Variants in GSTA2 observed in about 807,000 individuals in gnomAD.
GSTA2 encodes glutathione S-transferase A2.
A neutral mutation model predicts 22.4 loss-of-function variants in GSTA2; 27 were observed. That is an observed-to-expected ratio of 1.21 (90% CI 0.89 to 1.67). The LOEUF is 1.67. GSTA2 is among the 40% of genes most tolerant of loss of function. GSTA2 has a pLI of 0.00. For synonymous variants in GSTA2, 121 were observed against 86.8 expected (o/e 1.39, Z -2.19); for missense variants, 302 against 260.2 (o/e 1.16, Z -1.11).
intron 4 of GSTA2, among the ~76,000 whole-genome samples, 188 bp from the exon 5 acceptor site, chr6:52,753,183 G>A (rs534645885): frequency 2.0e-5 from 3 of 151,256 alleles, no homozygotes; most frequent in Non-Finnish European, 2.9e-5. Flanking sequence ...AGTTTTACAG[G>A]TATATTAACA....
chr6:52,760,471 T>C (rs1762932620), intron 1 of GSTA2, among the ~76,000 whole-genome samples: 2 of 152,132 alleles, frequency 1.3e-5, no homozygotes, highest in Non-Finnish European at 2.9e-5. Flanking sequence ...TCATAGTCAA[T>C]ATCTAGGGAG....
intron 3 of GSTA2, among the ~76,000 whole-genome samples, chr6:52,755,590 A>C (rs1209780212): frequency 6.6e-6 from 1 of 152,088 alleles, no homozygotes; most frequent in East Asian, 1.9e-4. Flanking sequence ...CATTTATTTC[A>C]TATATGTTTT....
intron 2 of GSTA2, among the ~76,000 whole-genome samples, chr6:52,757,586 C>T (rs1261791695): frequency 6.6e-6 from 1 of 152,070 alleles, no homozygotes; most frequent in Non-Finnish European, 1.5e-5. Context: ...TGTATAAATG[C>T]CATAAATTAT....
chr6:52,751,729 G>A, intron 5 of GSTA2, 21 bp from the exon 6 acceptor site: 2 of 1,614,096 alleles, frequency 1.2e-6, no homozygotes, highest in Non-Finnish European at 1.7e-6. Flanking sequence ...GGAGGAATCA[G>A]ATCAGGAACA....
intron 3 of GSTA2, 26 bp downstream of exon 3, chr6:52,756,232 T>G (rs1218668878): frequency 6.4e-7 from 1 of 1,558,614 alleles, no homozygotes; most frequent in Non-Finnish European, 8.8e-7. Flanking sequence ...ATACCCTCAT[T>G]AGAGAAACTT....
rs756612162 is a variant in GSTA2, at chr6:52,750,662, T to C, written c.584A>G (p.Lys195Arg). ...TGGGCTGCCAGGCTGTAGAAACTTC[T>C]TCACTGTGGGCAGGTTACTGATTCT... ...KTRISNLPTV[K>R]KFLQPGSPRK... The change falls in exon 7 of 7, where the codon AAG (lysine) becomes AGG (arginine). Residue 195 changes from lysine to arginine, a missense_variant. Physicochemically the swap from Lys to Arg is conservative, Grantham distance 26. Coordinates refer to ENST00000493422, the MANE Select transcript of GSTA2 (RefSeq NM_000846.5). The C allele has an allele frequency of 2.4e-5, 38 of 1,613,242 alleles. No homozygotes were observed. The highest frequency in any genetic ancestry group is 1.2e-4 in the Admixed American group (7 of 59,992).
chr6:52,755,475 A>C (rs1390238980), intron 3 of GSTA2, among the ~76,000 whole-genome samples: 5 of 152,144 alleles, frequency 3.3e-5, no homozygotes, highest in Non-Finnish European at 5.9e-5. Context: ...CAGCCTCCCA[A>C]ATTGGGATTA....
At chr6:52,758,068 G>A in intron 1 of GSTA2, 91 bp from the exon 2 acceptor site, 3 of 744,692 alleles carry the variant, frequency 4.0e-6, no homozygotes, top group South Asian at 1.8e-5. Flanking sequence ...CACAAACAAT[G>A]CTGAAGAAGA....
At position 52,757,852 on chromosome 6, in the gene GSTA2, A is replaced by G; in HGVS notation, c.87+9T>C. The G allele has an allele frequency of 2.5e-6, 4 of 1,610,942 alleles. No homozygotes were observed. The highest frequency in any genetic ancestry group is 1.7e-6 in the Non-Finnish European group (2 of 1,177,140). On this transcript the variant is annotated intron_variant, in intron 2 of 6. Coordinates refer to ENST00000493422, the MANE Select transcript of GSTA2 (RefSeq NM_000846.5). Reference sequence around the variant, plus strand: ...AATCTGACTTAAGATGACCTAACTCAGAACCTACCTCTACTCCAGCTGCAG... The same window carrying G: ...AATCTGACTTAAGATGACCTAACTCGGAACCTACCTCTACTCCAGCTGCAG...
chr6:52,760,652 T>TAACCTGGCTCTC (rs1762936192), intron 1 of GSTA2, among the ~76,000 whole-genome samples: 1 of 152,208 alleles, frequency 6.6e-6, no homozygotes. Context: ...CTCCACCTCA[T>TAACCTGGCTCTC]AACCTGGCTC....
intron 5 of GSTA2, among the ~76,000 whole-genome samples, chr6:52,752,466 A>G (rs1215922551): frequency 3.9e-5 from 6 of 152,162 alleles, no homozygotes; most frequent in Admixed American, 1.3e-4. Context: ...CTTCCTGCAT[A>G]TGGTGCCAGA....
At chr6:52,753,121 T>G in intron 4 of GSTA2, 126 bp from the exon 5 acceptor site, 1 of 829,552 alleles carries the variant, frequency 1.2e-6, no homozygotes, top group Non-Finnish European at 1.9e-6. Flanking sequence ...GTGCCTTTTA[T>G]AGTCTAGTCA....
intron 1 of GSTA2, among the ~76,000 whole-genome samples, 162 bp downstream of exon 1, chr6:52,763,282 A>G (rs1422299796): frequency 6.6e-6 from 1 of 152,240 alleles, no homozygotes; most frequent in Non-Finnish European, 1.5e-5. Context: ...ACAGAAAAGA[A>G]ATAAACAGTT....
Position 52,753,004 on chromosome 6 carries a change from C to G in GSTA2, c.273-9G>C. ...CTATATACATATCAATCCTGAAAGACAAAAACAACCAAATGGTCAAATATC... is the reference window on the plus strand; with the variant it reads ...CTATATACATATCAATCCTGAAAGAGAAAAACAACCAAATGGTCAAATATC... On this transcript the variant is annotated splice_polypyrimidine_tract_variant and intron_variant, in intron 4 of 6. Transcript: ENST00000493422. 1 of 1,580,126 alleles carries G rather than the reference C, an allele frequency of 6.3e-7. No homozygotes were observed. Among genetic ancestry groups the G allele is most frequent in the Non-Finnish European group, 8.6e-7 (1 of 1,164,250 alleles).
intron 1 of GSTA2, among the ~76,000 whole-genome samples, chr6:52,761,348 A>T (rs769232511): frequency 6.6e-6 from 1 of 152,044 alleles, no homozygotes; most frequent in Non-Finnish European, 1.5e-5. Context: ...ATCTCTGTCT[A>T]CCCATCCATG....
chr6:52,751,599 A>G lies in GSTA2; in HGVS notation c.524T>C (p.Ile175Thr). Residue 175 changes from isoleucine to threonine, a missense_variant, in exon 6 of 7, where the codon ATT becomes ACT. Coordinates refer to ENST00000493422, the MANE Select transcript of GSTA2 (RefSeq NM_000846.5). Reference sequence around the variant, plus strand: ...CACCTTCAGCAGAGGGAAGCTGGAAATAAGGCTAGAGTCAAGCTCTTCCAC... The same window carrying G: ...CACCTTCAGCAGAGGGAAGCTGGAAGTAAGGCTAGAGTCAAGCTCTTCCAC... ...YYVEELDSSL[I>T]SSFPLLKALK... The G allele has an allele frequency of 3.7e-6, 6 of 1,614,126 alleles. No individual in the cohort carries two copies. Among genetic ancestry groups the G allele is most frequent in the Non-Finnish European group, 5.1e-6 (6 of 1,179,996 alleles).
At position 52,750,385 on chromosome 6, in the gene GSTA2, A is replaced by C. The variant is rs1762713439; in HGVS notation, c.*192T>G. The C allele has an allele frequency of 2.0e-6, 1 of 492,050 alleles. No individual in the cohort carries two copies. The highest frequency in any genetic ancestry group is 2.0e-5 in the African/African-American group (1 of 50,730). The allele number at this position is 492,050 out of a possible 1,614,324, so 30.5% of individuals were successfully genotyped here. On this transcript the variant is annotated 3_prime_UTR_variant, in exon 7 of 7. Coordinates refer to ENST00000493422, the MANE Select transcript of GSTA2 (RefSeq NM_000846.5). ...GAGGAGATTGGAAAACTGAATTCAC[A>C]TCAGATCCTAATGAGAAGAAATCAA...
chr6:52,750,846 A>G, intron 6 of GSTA2, 147 bp from the exon 7 acceptor site: 1 of 901,326 alleles, frequency 1.1e-6, no homozygotes, highest in South Asian at 1.8e-5. Context: ...ACACCCAGTG[A>G]GAAAGGAAGA....
chr6:52,750,221 G>A lies in GSTA2; in HGVS notation c.*356C>T, dbSNP rs879440868. 29 of 190,404 alleles carry A rather than the reference G, an allele frequency of 1.5e-4. No individual in the cohort carries two copies. Among genetic ancestry groups the A allele is most frequent in the Non-Finnish European group, 2.5e-4 (23 of 91,844 alleles). The allele number at this position is 190,404 out of a possible 1,614,324, so 11.8% of individuals were successfully genotyped here. On this transcript the variant is annotated 3_prime_UTR_variant, in exon 7 of 7. Transcript: ENST00000493422. ...GTGCATACCTGAAAATGTCAGAGGT[G>A]CATTTTTACATTGGCATTTTAATAG...
Sources: gnomAD v4.1 joint callset for allele counts (sites outside exome capture counted in the v4.1 genomes callset) on GRCh38, gnomAD v4.1.1 for gene constraint, MANE v1.5 for transcripts, NCBI Gene and HGNC (gene_info 2026-07-23, HGNC 2026-07-21) for gene names.